Variants in ZDHHC14 observed in about 807,000 individuals in gnomAD.
The protein encoded by ZDHHC14 is palmitoyltransferase ZDHHC14.
In ZDHHC14, 16 loss-of-function variants were observed where a neutral mutation model predicts 47.7. The ratio of observed to expected loss-of-function variants is 0.34; its 90% CI spans 0.23 to 0.51. The LOEUF (loss-of-function observed/expected upper bound fraction) is 0.51, where lower values mean the gene tolerates loss of function less well. Ranked by LOEUF, ZDHHC14 falls within the 20% of genes least tolerant of loss-of-function variation. The pLI is 0.97. For synonymous variants in ZDHHC14, 293 were observed against 278.9 expected, an observed-to-expected ratio of 1.05 and a Z score of -0.50; for missense variants, 515 against 662.5, an observed-to-expected ratio of 0.78 and a Z score of 2.44.
intron 1 of ZDHHC14, among the ~76,000 whole-genome samples, chr6:157,420,843 A>G (rs1778085649): frequency 1.3e-5 from 2 of 152,128 alleles, no homozygotes; most frequent in African/African-American, 2.4e-5. Flanking sequence ...TTGGTTGCCT[A>G]TCCACTAAAC....
intron 3 of ZDHHC14, among the ~76,000 whole-genome samples, chr6:157,612,391 T>C (rs888583407): frequency 5.9e-5 from 9 of 152,208 alleles, no homozygotes; most frequent in African/African-American, 2.2e-4. Flanking sequence ...TAACCTAGTA[T>C]ACAAGACCCA....
intron 2 of ZDHHC14, among the ~76,000 whole-genome samples, chr6:157,577,757 C>G (rs1783359720): frequency 6.6e-6 from 1 of 152,178 alleles, no homozygotes; most frequent in African/African-American, 2.4e-5. Context: ...ACCACGTTGG[C>G]CAGGATGGTC....
At chr6:157,612,443 T>C (rs974884544) in intron 3 of ZDHHC14, among the ~76,000 whole-genome samples, 2 of 152,184 alleles carry the variant, frequency 1.3e-5, no homozygotes, top group African/African-American at 4.8e-5. Flanking sequence ...CCACCTGGGC[T>C]CCAGCCCCGA....
At chr6:157,645,977 C>G in intron 6 of ZDHHC14, 138 bp downstream of exon 6, 1 of 674,580 alleles carries the variant, frequency 1.5e-6, no homozygotes, top group Non-Finnish European at 2.4e-6. Flanking sequence ...AGAGACGGTG[C>G]CGTGGAAACT....
chr6:157,510,850 C>T (rs895273638), intron 1 of ZDHHC14, among the ~76,000 whole-genome samples: 2 of 152,260 alleles, frequency 1.3e-5, no homozygotes, highest in Non-Finnish European at 2.9e-5. Flanking sequence ...TTCCAATGGC[C>T]TCTGCCTTCC....
At chr6:157,612,590 G>A (rs1057212756) in intron 3 of ZDHHC14, among the ~76,000 whole-genome samples, 6 of 152,164 alleles carry the variant, frequency 3.9e-5, no homozygotes, top group Non-Finnish European at 7.3e-5. Context: ...TCTGACCAGG[G>A]TTGTCATGGT....
intron 1 of ZDHHC14, among the ~76,000 whole-genome samples, chr6:157,409,594 C>A (rs1321588444): frequency 6.6e-6 from 1 of 152,174 alleles, no homozygotes; most frequent in African/African-American, 2.4e-5. Context: ...AGGGAACATA[C>A]GCTATGCCAG....
At chr6:157,629,110 G>T (rs1271337) in intron 4 of ZDHHC14, among the ~76,000 whole-genome samples, 1 of 152,228 alleles carries the variant, frequency 6.6e-6, no homozygotes, top group Non-Finnish European at 1.5e-5. Flanking sequence ...TTAAAAATTA[G>T]ATTTGGAAAT....
At chr6:157,605,622 A>G (rs1333750246) in intron 3 of ZDHHC14, among the ~76,000 whole-genome samples, 1 of 152,210 alleles carries the variant, frequency 6.6e-6, no homozygotes, top group Admixed American at 6.5e-5. Flanking sequence ...GTGAAGGTTC[A>G]TAACGGTTCA....
intron 3 of ZDHHC14, among the ~76,000 whole-genome samples, chr6:157,611,426 A>G (rs563208837): frequency 2.0e-4 from 31 of 152,302 alleles, no homozygotes; most frequent in Non-Finnish European, 2.6e-4. Flanking sequence ...GTTTATGACA[A>G]AAGAGTGAGA....
At chr6:157,628,647 C>A in intron 4 of ZDHHC14, 161 bp downstream of exon 4, 1 of 898,698 alleles carries the variant, frequency 1.1e-6, no homozygotes, top group Non-Finnish European at 1.7e-6. Flanking sequence ...TTTTGTTTCT[C>A]ACCCTCCTCC....
intron 1 of ZDHHC14, among the ~76,000 whole-genome samples, chr6:157,521,742 G>T (rs751516823): frequency 1.6e-4 from 24 of 152,234 alleles, no homozygotes; most frequent in Admixed American, 6.5e-4. Context: ...GTGAGGAGAG[G>T]CTATGACATG....
At chr6:157,570,873 GC>G (rs1783076177) in intron 2 of ZDHHC14, among the ~76,000 whole-genome samples, 1 of 151,600 alleles carries the variant, frequency 6.6e-6, no homozygotes, top group South Asian at 2.1e-4. Flanking sequence ...AGTCTGGGCA[GC>G]CCCTGAAAAA....
chr6:157,591,386 T>C (rs1783903063), intron 2 of ZDHHC14, among the ~76,000 whole-genome samples: 1 of 152,184 alleles, frequency 6.6e-6, no homozygotes, highest in Non-Finnish European at 1.5e-5. Context: ...TGGAGACAGT[T>C]ACCCCCATGC....
At chr6:157,397,842 A>G (rs1777552701) in intron 1 of ZDHHC14, among the ~76,000 whole-genome samples, 1 of 151,874 alleles carries the variant, frequency 6.6e-6, no homozygotes, top group African/African-American at 2.4e-5. Context: ...GGAGGGGATT[A>G]TTTGTCTGGC....
chr6:157,523,738 A>G (rs1259736713), intron 1 of ZDHHC14, among the ~76,000 whole-genome samples: 3 of 151,930 alleles, frequency 2.0e-5, no homozygotes, highest in Non-Finnish European at 2.9e-5. Context: ...CAAAAAAAAA[A>G]AAAAGGAAAA....
intron 1 of ZDHHC14, among the ~76,000 whole-genome samples, chr6:157,420,454 G>A (rs867678350): frequency 3.5e-4 from 52 of 149,514 alleles, no homozygotes; most frequent in African/African-American, 1.1e-3. Flanking sequence ...GGGCTGAATC[G>A]AGGCACTAAT....
chr6:157,459,333 A>G (rs1055659175), intron 1 of ZDHHC14, among the ~76,000 whole-genome samples: 3 of 152,184 alleles, frequency 2.0e-5, no homozygotes, highest in Non-Finnish European at 4.4e-5. Context: ...TTAGAAACAA[A>G]ATAAGAGATC....
At chr6:157,580,348 C>T (rs1251738303) in intron 2 of ZDHHC14, among the ~76,000 whole-genome samples, 1 of 151,896 alleles carries the variant, frequency 6.6e-6, no homozygotes, top group African/African-American at 2.4e-5. Flanking sequence ...GGATATTGGC[C>T]TGGGGTTTTC....
Sources: allele counts gnomAD v4.1 joint callset (sites outside exome capture counted in the v4.1 genomes callset), GRCh38; gene constraint gnomAD v4.1.1; transcripts MANE v1.5; gene names NCBI Gene and HGNC (gene_info 2026-07-23, HGNC 2026-07-21).